The following PSD3 variants were observed in gnomAD, a reference collection of about 807,000 sequenced individuals.
The protein encoded by PSD3 is pleckstrin and Sec7 domain containing 3.
PSD3 carries 49 observed loss-of-function variants against 105.5 expected under a neutral mutation model. That is an observed-to-expected ratio of 0.46 (90% CI 0.37 to 0.59). The LOEUF is 0.59. PSD3 is among the 20% of genes least tolerant of loss of function. PSD3 has a pLI of 0.00. For synonymous variants in PSD3, 557 were observed against 457.8 expected (o/e 1.22, Z -2.77); for missense variants, 1,561 against 1,263.8 (o/e 1.24, Z -3.57).
At chr8:19,012,451 C>A (rs1221750781) in intron 1 of PSD3, among the ~76,000 whole-genome samples, 1 of 152,128 alleles carries the variant, frequency 6.6e-6, no homozygotes, top group Non-Finnish European at 1.5e-5. Flanking sequence ...AGTGAATTCC[C>A]TTTCCTTTAG....
At chr8:18,983,815 A>C (rs1203276911) in intron 1 of PSD3, among the ~76,000 whole-genome samples, 2 of 151,826 alleles carry the variant, frequency 1.3e-5, no homozygotes, top group Non-Finnish European at 2.9e-5. Flanking sequence ...CCAGGGCAAC[A>C]TAGCCAGACG....
At chr8:18,564,899 T>G (rs1056366780) in intron 14 of PSD3, among the ~76,000 whole-genome samples, 4 of 152,164 alleles carry the variant, frequency 2.6e-5, no homozygotes, top group African/African-American at 9.7e-5. Context: ...GTATCCATCT[T>G]AAGTCTGACC....
chr8:18,789,923 A>T (rs1290327418), intron 8 of PSD3, among the ~76,000 whole-genome samples: 1 of 152,232 alleles, frequency 6.6e-6, no homozygotes, highest in Admixed American at 6.5e-5. Flanking sequence ...GCTTACAGTG[A>T]TAAGAAGACT....
chr8:19,025,946 T>C (rs895081710), intron 1 of PSD3, among the ~76,000 whole-genome samples: 1 of 152,188 alleles, frequency 6.6e-6, no homozygotes, highest in Non-Finnish European at 1.5e-5. Flanking sequence ...AGAGGTTTAA[T>C]GGACTCACAG....
intron 15 of PSD3, among the ~76,000 whole-genome samples, chr8:18,541,170 A>C (rs1219927620): frequency 1.4e-5 from 2 of 146,826 alleles, no homozygotes; most frequent in Non-Finnish European, 3.0e-5. Context: ...AAAAAAAAAA[A>C]AACCTTTTGA....
chr8:18,568,631 T>G (rs1348297769), intron 14 of PSD3, among the ~76,000 whole-genome samples: 1 of 152,176 alleles, frequency 6.6e-6, no homozygotes, highest in Non-Finnish European at 1.5e-5. Flanking sequence ...TGCAGCTACC[T>G]TGGTTATCTC....
rs547081970 is a variant in PSD3, at chr8:18,658,534, T to C, written c.2173-2849A>G. 2.5e-3 allele frequency among the ~76,000 whole-genome samples: 381 copies of C among 151,568 alleles called. 2 individuals carry two copies. Among genetic ancestry groups the C allele is most frequent in the African/African-American group, 8.8e-3 (365 of 41,432 alleles). ...AGATACTATATAATTCTTTTTTTTT[T>C]TTTTTTGAGACAGGGTCTTGCTTGG... On this transcript the variant is annotated intron_variant, in intron 9 of 15. Coordinates refer to ENST00000327040, the MANE Select transcript of PSD3 (RefSeq NM_015310.4).
At chr8:18,560,316 C>T (rs917402259) in intron 14 of PSD3, among the ~76,000 whole-genome samples, 3 of 152,126 alleles carry the variant, frequency 2.0e-5, no homozygotes, top group Non-Finnish European at 2.9e-5. Context: ...AGGACAACTA[C>T]ATTTGTAATA....
At chr8:18,937,161 C>T (rs547666883) in intron 1 of PSD3, among the ~76,000 whole-genome samples, 8 of 152,268 alleles carry the variant, frequency 5.3e-5, no homozygotes, top group South Asian at 2.1e-4. Flanking sequence ...CTCTGTTCTC[C>T]GGCTGAGGAC....
intron 8 of PSD3, chr8:18,799,014 A>G (rs1003947077): frequency 9.3e-6 from 3 of 321,324 alleles, no homozygotes; most frequent in Non-Finnish European, 1.7e-5. Flanking sequence ...AAAAATAAGT[A>G]AAAGCTCTGT....
At chr8:18,582,684 C>T (rs1333930290) in intron 12 of PSD3, among the ~76,000 whole-genome samples, 1 of 152,168 alleles carries the variant, frequency 6.6e-6, no homozygotes, top group Non-Finnish European at 1.5e-5. Context: ...TTCAACACCT[C>T]AAACTAAACT....
At chr8:19,034,119 G>C (rs1295059332) in intron 1 of PSD3, among the ~76,000 whole-genome samples, 2 of 152,184 alleles carry the variant, frequency 1.3e-5, no homozygotes, top group Non-Finnish European at 2.9e-5. Context: ...ATGGATCTCA[G>C]AGGAAAACCT....
At chr8:18,651,205 G>C (rs1216227541) in intron 10 of PSD3, among the ~76,000 whole-genome samples, 2 of 152,176 alleles carry the variant, frequency 1.3e-5, no homozygotes, top group African/African-American at 2.4e-5. Context: ...ACACTCCCAG[G>C]TAAGGCCCCA....
At chr8:18,801,842 A>G (rs1423853953) in intron 6 of PSD3, among the ~76,000 whole-genome samples, 2 of 152,094 alleles carry the variant, frequency 1.3e-5, no homozygotes, top group Non-Finnish European at 2.9e-5. Flanking sequence ...GAAAAAAAAA[A>G]TGTCCACTTA....
At chr8:18,822,383 T>C (rs1812816149) in intron 4 of PSD3, among the ~76,000 whole-genome samples, 1 of 152,196 alleles carries the variant, frequency 6.6e-6, no homozygotes, top group African/African-American at 2.4e-5. Flanking sequence ...GTTGTTCCTT[T>C]AGTAGTAGTA....
At chr8:18,817,733 T>C (rs886981828) in intron 4 of PSD3, among the ~76,000 whole-genome samples, 1 of 152,196 alleles carries the variant, frequency 6.6e-6, no homozygotes, top group Non-Finnish European at 1.5e-5. Flanking sequence ...CTAGAGACTC[T>C]GATCAGCGGA....
Position 18,828,998 on chromosome 8 carries a change from G to A in PSD3, c.1635-24100C>T, listed in dbSNP as rs572420424. Among the ~76,000 whole-genome samples, 12 of 152,240 alleles carry A rather than the reference G, an allele frequency of 7.9e-5. No homozygotes were observed. The South Asian group carries it at 2.5e-3, about 32-fold the overall frequency. On this transcript the variant is annotated intron_variant, in intron 4 of 15. Transcript: ENST00000327040. ...GAGGTGGGCGGACGGCTTGAGCCTG[G>A]GAGGCAGAGATTGCAGTGAACAGAG...
At chr8:19,059,530 T>C (rs1828822288) in intron 1 of PSD3, among the ~76,000 whole-genome samples, 1 of 152,174 alleles carries the variant, frequency 6.6e-6, no homozygotes, top group Non-Finnish European at 1.5e-5. Flanking sequence ...TTTAAGCCAG[T>C]ATCAGGTGGG....
chr8:19,047,814 G>C (rs150727339), intron 1 of PSD3, among the ~76,000 whole-genome samples: 1 of 152,272 alleles, frequency 6.6e-6, no homozygotes, highest in East Asian at 1.9e-4. Context: ...CCAGGCAGAA[G>C]CTAGCATCTC....
Sources: allele counts gnomAD v4.1 joint callset (sites outside exome capture counted in the v4.1 genomes callset), GRCh38; gene constraint gnomAD v4.1.1; transcripts MANE v1.5; gene names NCBI Gene and HGNC (gene_info 2026-07-23, HGNC 2026-07-21).